Variants in PTPRN2 observed in about 807,000 individuals in gnomAD.
PTPRN2 encodes the protein protein tyrosine phosphatase receptor type N2.
A neutral mutation model predicts 118.8 loss-of-function variants in PTPRN2; 74 were observed. The ratio of observed to expected loss-of-function variants is 0.62; its 90% CI spans 0.52 to 0.76. PTPRN2 has a LOEUF of 0.76. PTPRN2 is among the 30% of genes least tolerant of loss of function. The pLI is 0.00. For missense variants in PTPRN2, 1,481 were observed against 1,394.4 expected, an observed-to-expected ratio of 1.06 and a Z score of -0.99; for synonymous variants, 641 against 608.0, an observed-to-expected ratio of 1.05 and a Z score of -0.80.
chr7:158,008,906 T>G (rs1805849752), intron 11 of PTPRN2, among the ~76,000 whole-genome samples: 1 of 152,254 alleles, frequency 6.6e-6, no homozygotes, highest in Non-Finnish European at 1.5e-5. Context: ...TGTTCAATTT[T>G]ATCACGTTGA....
chr7:158,132,318 A>T (rs1208853776), intron 9 of PTPRN2, among the ~76,000 whole-genome samples: 2 of 151,940 alleles, frequency 1.3e-5, no homozygotes, highest in Non-Finnish European at 2.9e-5. Flanking sequence ...ATACACACTC[A>T]TACACACACA....
intron 2 of PTPRN2, among the ~76,000 whole-genome samples, chr7:158,422,045 C>T (rs905780245): frequency 5.3e-5 from 8 of 152,184 alleles, no homozygotes; most frequent in African/African-American, 1.9e-4. Context: ...CATTAATAAT[C>T]GAGCCTCATC....
rs1203747007 is a variant in PTPRN2, at chr7:157,771,963, GACAC to G, written c.1789-89030_1789-89027del. ...ACATACAAAGACACACATACAGACA[GACAC>G]ACACACATACACACGGACACACATG... On this transcript the variant is annotated intron_variant, in intron 12 of 22. Transcript: ENST00000389418. 4.8e-5 allele frequency among the ~76,000 whole-genome samples: 6 copies of G among 125,032 alleles called. No homozygotes were observed. The South Asian group carries it at 7.7e-4, about 16-fold the overall frequency. 82.0% of individuals were successfully genotyped at this position (125,032 alleles called of 152,430 possible).
Position 157,587,608 on chromosome 7 carries a change from C to CTTTTT in PTPRN2, c.2496+7625_2496+7629dup, listed in dbSNP as rs1800751970. 3.9e-5 allele frequency among the ~76,000 whole-genome samples: 6 copies of CTTTTT among 152,324 alleles called. No homozygotes were observed. In the South Asian group the frequency reaches 8.3e-4, roughly 21 times the overall value. On this transcript the variant is annotated intron_variant, in intron 17 of 22. Transcript: ENST00000389418. The surrounding 1 kb of genome is among the most constrained non-coding windows in gnomAD (Gnocchi z 5.3). Reference sequence around the variant, plus strand: ...CAGAAACTAGAAATTGAAAGTGCACCTTTTTCTTGGTAAAATGTTGATGTG... The same window carrying CTTTTT: ...CAGAAACTAGAAATTGAAAGTGCACCTTTTTTTTTTCTTGGTAAAATGTTGATGTG...
rs1472448417 is a variant in PTPRN2 at position 157,745,968 on chromosome 7, TGCACCCCACA to T, written c.1789-63041_1789-63032del. ...GAGTGTGGAGATCACAGGCCTCCCC[TGCACCCCACA>T]GTCCTCACAGGGCCCTGAGTGTGGA... is the stretch of plus-strand genomic sequence containing the variant. On this transcript the variant is annotated intron_variant, in intron 12 of 22. Transcript: ENST00000389418. 2.1e-5 allele frequency among the ~76,000 whole-genome samples: 3 copies of T among 142,414 alleles called. No individual in the cohort carries two copies. The East Asian group carries it at 6.4e-4, about 30-fold the overall frequency. 93.4% of individuals were successfully genotyped at this position (142,414 alleles called of 152,430 possible).
At position 157,994,681 on chromosome 7, in the gene PTPRN2, G is replaced by A. The variant is rs1321088548; in HGVS notation, c.1723+86617C>T. Among the ~76,000 whole-genome samples the A allele has an allele frequency of 1.5e-3, 164 of 111,850 alleles. 1 individual carries two copies. The highest frequency in any genetic ancestry group is 5.5e-3 in the African/African-American group (141 of 25,682). The allele number at this position is 111,850 out of a possible 152,430, so 73.4% of individuals were successfully genotyped here. A position where few individuals can be genotyped will look rare whatever the true frequency, so the allele number is the denominator to read the frequency against. On this transcript the variant is annotated intron_variant, in intron 11 of 22. Transcript: ENST00000389418. ...GCTCCTTGTTCCTAAAATCAACGCCGCGTCCCCAGCTTACAGCTCCTTGTT... is the reference window on the plus strand; with the variant it reads ...GCTCCTTGTTCCTAAAATCAACGCCACGTCCCCAGCTTACAGCTCCTTGTT...
chr7:157,592,971 TCG>T (rs1801080508), intron 17 of PTPRN2, among the ~76,000 whole-genome samples: 1 of 134,682 alleles, frequency 7.4e-6, no homozygotes, highest in African/African-American at 3.0e-5. Context: ...GTGGGCATCA[TCG>T]TGGTCATTGA....
At chr7:157,631,117 G>A (rs1000526814) in intron 14 of PTPRN2, among the ~76,000 whole-genome samples, 4 of 152,142 alleles carry the variant, frequency 2.6e-5, no homozygotes, top group Admixed American at 6.5e-5. Context: ...CTTGAAAACT[G>A]TTCTCCCTGC....
chr7:158,433,058 T>A (rs999658190), intron 2 of PTPRN2, among the ~76,000 whole-genome samples: 1 of 152,388 alleles, frequency 6.6e-6, no homozygotes, highest in Middle Eastern at 3.4e-3. Context: ...TCTGCTCTCC[T>A]GAATCCGGCT....
chr7:157,710,815 G>A (rs1372402771), intron 12 of PTPRN2, among the ~76,000 whole-genome samples: 5 of 149,152 alleles, frequency 3.4e-5, no homozygotes, highest in Admixed American at 6.6e-5. Context: ...CCCACGCGCC[G>A]GAGGTTCCGG....
At chr7:158,203,225 CAAAAAAAAAAAAAA>C (rs56016358) in intron 4 of PTPRN2, among the ~76,000 whole-genome samples, 139 of 50,340 alleles carry the variant, frequency 2.8e-3, no homozygotes, top group African/African-American at 8.1e-3. Context: ...AAGCAAGAGC[CAAAAAAAAAAAAAA>C]AAAAAAAAAA....
At chr7:157,700,519 CT>C (rs773407156) in intron 12 of PTPRN2, among the ~76,000 whole-genome samples, 1 of 152,330 alleles carries the variant, frequency 6.6e-6, no homozygotes, top group East Asian at 1.9e-4. Flanking sequence ...GATCCCATTA[CT>C]TTTTTCGGGT....
At chr7:158,076,110 G>C (rs1812335289) in intron 11 of PTPRN2, among the ~76,000 whole-genome samples, 1 of 152,244 alleles carries the variant, frequency 6.6e-6, no homozygotes, top group South Asian at 2.1e-4. Context: ...GCACATGGAG[G>C]CAATTTTCTC....
intron 2 of PTPRN2, among the ~76,000 whole-genome samples, chr7:158,396,465 A>C (rs559001474): frequency 6.7e-6 from 1 of 150,264 alleles, no homozygotes; most frequent in African/African-American, 2.5e-5. Context: ...ACGCGTGTAC[A>C]TGCATGTGAT....
At chr7:158,283,610 C>G (rs114692832) in intron 3 of PTPRN2, among the ~76,000 whole-genome samples, 20 of 152,154 alleles carry the variant, frequency 1.3e-4, no homozygotes, top group African/African-American at 4.8e-4. Context: ...AGCATGTCCA[C>G]GGCACCCTGA....
At chr7:157,897,571 C>T (rs1421734865) in intron 12 of PTPRN2, among the ~76,000 whole-genome samples, 1 of 152,190 alleles carries the variant, frequency 6.6e-6, no homozygotes, top group Non-Finnish European at 1.5e-5. Context: ...TTCCATCAGT[C>T]GCCGGCTGCT....
At chr7:157,577,898 G>C in intron 18 of PTPRN2, 123 bp downstream of exon 18, 1 of 1,279,486 alleles carries the variant, frequency 7.8e-7, no homozygotes, top group Non-Finnish European at 1.0e-6. Flanking sequence ...CCTGAACATG[G>C]GGTGCGCTGA....
intron 12 of PTPRN2, among the ~76,000 whole-genome samples, chr7:157,716,154 G>A (rs577762242): frequency 2.9e-4 from 44 of 152,180 alleles, no homozygotes; most frequent in African/African-American, 1.0e-3. Context: ...GACACTGTGG[G>A]CATCGCCTTG....
chr7:158,175,715 CCAAA>C (rs1242273777), intron 5 of PTPRN2, among the ~76,000 whole-genome samples: 6 of 152,136 alleles, frequency 3.9e-5, no homozygotes, highest in Admixed American at 1.3e-4. Flanking sequence ...AAATAAGACC[CCAAA>C]CAGTTTTCAG....
Sources: gnomAD v4.1 joint callset for allele counts (sites outside exome capture counted in the v4.1 genomes callset) on GRCh38, gnomAD v4.1.1 for gene constraint, Gnocchi (gnomAD v3.1) non-coding constraint, MANE v1.5 for transcripts, NCBI Gene and HGNC (gene_info 2026-07-23, HGNC 2026-07-21) for gene names.